The following PTPRD variants were observed in gnomAD, a reference collection of about 807,000 sequenced individuals.
PTPRD encodes the protein protein tyrosine phosphatase receptor type D.
In PTPRD, 34 loss-of-function variants were observed where a neutral mutation model predicts 214.5. That is an observed-to-expected ratio of 0.16 (90% confidence interval 0.12 to 0.21). The LOEUF is 0.21. Among genes scored for constraint, PTPRD ranks in the 10% least tolerant of loss-of-function variants. PTPRD has a pLI of 1.00. For synonymous variants in PTPRD, 1,128 were observed against 845.7 expected (o/e 1.33, Z -5.79); for missense variants, 2,545 against 2,398.7 (o/e 1.06, Z -1.27).
chr9:10,113,284 T>C (rs563852988), intron 3 of PTPRD, among the ~76,000 whole-genome samples: 8 of 152,340 alleles, frequency 5.3e-5, no homozygotes, highest in African/African-American at 1.9e-4. Flanking sequence ...GATGATTGTT[T>C]TCATTTTACA....
At chr9:9,876,658 CA>C (rs1216353265) in intron 5 of PTPRD, among the ~76,000 whole-genome samples, 2 of 152,168 alleles carry the variant, frequency 1.3e-5, no homozygotes, top group South Asian at 2.1e-4. Context: ...CCCTTGGCAG[CA>C]TCTCCTTTTT....
At chr9:8,929,359 T>A (rs2098928210) in intron 11 of PTPRD, among the ~76,000 whole-genome samples, 1 of 152,146 alleles carries the variant, frequency 6.6e-6, no homozygotes, top group African/African-American at 2.4e-5. Context: ...TTGAGGTACA[T>A]TCCATCAATA....
intron 14 of PTPRD, among the ~76,000 whole-genome samples, chr9:8,544,467 CTTTT>C (rs34002040): frequency 9.5e-5 from 11 of 116,190 alleles, no homozygotes; most frequent in East Asian, 5.2e-4. Context: ...AAAAAAATAA[CTTTT>C]TTTTTTTTTT....
chr9:8,607,531 T>G (rs972466886), intron 14 of PTPRD, among the ~76,000 whole-genome samples: 7 of 152,080 alleles, frequency 4.6e-5, no homozygotes, highest in Non-Finnish European at 1.0e-4. Flanking sequence ...TAATACCAGC[T>G]GCTCAGGAGG....
At chr9:10,453,884 AAAAAAAGCTT>A (rs2098877187) in intron 2 of PTPRD, among the ~76,000 whole-genome samples, 1 of 151,660 alleles carries the variant, frequency 6.6e-6, no homozygotes, top group Admixed American at 6.6e-5. Flanking sequence ...TAGATATTAG[AAAAAAAGCTT>A]TCAGCATTTC....
intron 3 of PTPRD, among the ~76,000 whole-genome samples, chr9:10,250,931 G>A (rs974771827): frequency 6.6e-6 from 1 of 151,766 alleles, no homozygotes; most frequent in Non-Finnish European, 1.5e-5. Context: ...AAAAATATTT[G>A]ATTATAAAAC....
rs558948708 is a variant in PTPRD at position 8,906,725 on chromosome 9, T to C, written c.-104+111972A>G. Among the ~76,000 whole-genome samples the C allele has an allele frequency of 3.3e-5, 5 of 152,094 alleles. No individual in the cohort carries two copies. In the East Asian group the frequency reaches 7.8e-4, roughly 24 times the overall value. ...CTGCTTGTCACTAAGACAATTCTAT[T>C]ATGTTGGGGAGCTCTCCCAACAGCA... On this transcript the variant is annotated intron_variant, in intron 11 of 45. Transcript: ENST00000381196.
rs933593706 is a variant in PTPRD at position 10,213,112 on chromosome 9, G to T, written c.-545+127851C>A. ...GATAAACCTTTGGCACCATAGAGAT[G>T]TAAGTTTATTGTATCATGAAAAATG... On this transcript the variant is annotated intron_variant, in intron 3 of 45. Coordinates refer to ENST00000381196, the MANE Select transcript of PTPRD (RefSeq NM_002839.4). Among the ~76,000 whole-genome samples, 14 of 152,248 alleles carry T rather than the reference G, an allele frequency of 9.2e-5. No individual in the cohort carries two copies. In the South Asian group the frequency reaches 1.9e-3, roughly 20 times the overall value.
chr9:9,953,258 G>A (rs896771886), intron 4 of PTPRD, among the ~76,000 whole-genome samples: 2 of 152,190 alleles, frequency 1.3e-5, no homozygotes, highest in African/African-American at 2.4e-5. Context: ...TGCCCTCCAC[G>A]ATGTGGACAG....
chr9:8,384,947 T>C (rs551569907), intron 37 of PTPRD, among the ~76,000 whole-genome samples: 38 of 152,336 alleles, frequency 2.5e-4, no homozygotes, highest in East Asian at 3.9e-4. Flanking sequence ...TCAGTTAAGA[T>C]TGGAATTCTT....
At chr9:9,801,838 C>A (rs1371001814) in intron 5 of PTPRD, among the ~76,000 whole-genome samples, 2 of 152,000 alleles carry the variant, frequency 1.3e-5, no homozygotes, top group Non-Finnish European at 2.9e-5. Flanking sequence ...CAGAAGGATG[C>A]CCTTTAAGGC....
intron 4 of PTPRD, among the ~76,000 whole-genome samples, chr9:9,991,995 G>C (rs954721187): frequency 6.6e-6 from 1 of 152,068 alleles, no homozygotes; most frequent in Non-Finnish European, 1.5e-5. Context: ...AAAACATTAC[G>C]CTAAATGAAA....
intron 3 of PTPRD, among the ~76,000 whole-genome samples, chr9:10,154,470 G>A (rs1353471706): frequency 6.6e-6 from 1 of 152,086 alleles, no homozygotes. Context: ...AGTTTAATTA[G>A]CTCTCATTTG....
Position 8,316,279 on chromosome 9 carries a change from A to G in PTPRD, c.*1595T>C, listed in dbSNP as rs1724724357. ...TTAATAGAAAGTAACAGATACGAAC[A>G]GTGAATGGAAATACGAACCAAAAGC... On this transcript the variant is annotated 3_prime_UTR_variant, in exon 46 of 46. Coordinates refer to ENST00000381196, the MANE Select transcript of PTPRD (RefSeq NM_002839.4). 4.3e-6 allele frequency: 1 copy of G among 230,700 alleles called. No individual in the cohort carries two copies. The allele number at this position is 230,700 out of a possible 1,614,324, so 14.3% of individuals were successfully genotyped here. A position where few individuals can be genotyped will look rare whatever the true frequency, so the allele number is the denominator to read the frequency against.
intron 2 of PTPRD, among the ~76,000 whole-genome samples, chr9:10,372,637 C>T (rs944507877): frequency 1.3e-5 from 2 of 151,892 alleles, no homozygotes; most frequent in African/African-American, 4.8e-5. Context: ...GTCCTAGAGC[C>T]TCCATCAGTG....
chr9:9,282,433 C>G (rs573015244), intron 9 of PTPRD, among the ~76,000 whole-genome samples: 1 of 151,374 alleles, frequency 6.6e-6, no homozygotes, highest in African/African-American at 2.4e-5. Flanking sequence ...ATGAAATAAA[C>G]AGTGAAATTC....
At chr9:9,790,259 G>A (rs1319787851) in intron 5 of PTPRD, among the ~76,000 whole-genome samples, 1 of 152,112 alleles carries the variant, frequency 6.6e-6, no homozygotes, top group Non-Finnish European at 1.5e-5. Context: ...TTTCTTAAAT[G>A]AGAAAAAATA....
chr9:8,578,058 A>T (rs976235492), intron 14 of PTPRD, among the ~76,000 whole-genome samples: 1 of 152,168 alleles, frequency 6.6e-6, no homozygotes, highest in Non-Finnish European at 1.5e-5. Context: ...TAAAATTAGA[A>T]TTTTACAGTT....
intron 2 of PTPRD, among the ~76,000 whole-genome samples, chr9:10,557,213 G>T (rs1224210786): frequency 6.6e-6 from 1 of 152,078 alleles, no homozygotes; most frequent in Non-Finnish European, 1.5e-5. Context: ...CATAGATATT[G>T]TAAAGTCATA....
Sources: gnomAD v4.1 joint callset for allele counts (sites outside exome capture counted in the v4.1 genomes callset) on GRCh38, gnomAD v4.1.1 for gene constraint, MANE v1.5 for transcripts, NCBI Gene and HGNC (gene_info 2026-07-23, HGNC 2026-07-21) for gene names.